GRIA3: variants seen among roughly 807,000 people sequenced by gnomAD.
GRIA3 encodes the protein glutamate ionotropic receptor AMPA type subunit 3.
A neutral mutation model predicts 63.0 loss-of-function variants in GRIA3; 3 were observed. That is an observed-to-expected ratio of 0.05 (90% CI 0.02 to 0.12). The LOEUF (loss-of-function observed/expected upper bound fraction) is 0.12, where lower values mean the gene tolerates loss of function less well. GRIA3 is among the 10% of genes least tolerant of loss of function. The pLI is 1.00. For missense variants in GRIA3, 347 were observed against 700.9 expected, an observed-to-expected ratio of 0.50 and a Z score of 5.70; for synonymous variants, 274 against 257.9, an observed-to-expected ratio of 1.06 and a Z score of -0.60.
intron 2 of GRIA3, among the ~76,000 whole-genome samples, chrX:123,206,954 A>G (rs1340042620): frequency 9.0e-6 from 1 of 111,664 alleles, no homozygotes; most frequent in African/African-American, 3.3e-5. Flanking sequence ...CTAATTTGCT[A>G]CTTTATTTAC....
intron 1 of GRIA3, chrX:123,184,900 C>G: frequency 2.1e-6 from 1 of 473,656 alleles, no homozygotes; most frequent in Non-Finnish European, 3.8e-6. Flanking sequence ...GCTAGGTTTT[C>G]CGAGCCGAGA....
chrX:123,381,276 T>C (rs2147369464), intron 5 of GRIA3, among the ~76,000 whole-genome samples: 1 of 111,642 alleles, frequency 9.0e-6, no homozygotes, highest in African/African-American at 3.3e-5. Flanking sequence ...CATTCTGTAC[T>C]AGGAGAAGGA....
At chrX:123,478,713 T>C (rs1199842650) in intron 13 of GRIA3, among the ~76,000 whole-genome samples, 2 of 112,173 alleles carry the variant, frequency 1.8e-5, no homozygotes, top group Admixed American at 1.9e-4. Flanking sequence ...GGGTCCAACT[T>C]ATCCAAAATA....
At chrX:123,457,968 TGAG>T (rs2045770705) in intron 12 of GRIA3, among the ~76,000 whole-genome samples, 3 of 110,269 alleles carry the variant, frequency 2.7e-5, no homozygotes, top group Admixed American at 9.6e-5. Flanking sequence ...CCAGAAAAGG[TGAG>T]TTGAATGGAA....
intron 3 of GRIA3, among the ~76,000 whole-genome samples, chrX:123,305,247 C>T (rs1349630427): frequency 2.7e-5 from 3 of 111,289 alleles, no homozygotes; most frequent in African/African-American, 9.8e-5. Flanking sequence ...CCCACCCAAA[C>T]ACAATGTAAA....
chrX:123,419,008 C>T (rs2045550257), intron 11 of GRIA3, among the ~76,000 whole-genome samples: 1 of 112,455 alleles, frequency 8.9e-6, no homozygotes, highest in Non-Finnish European at 1.9e-5. Context: ...TGTCTATCAA[C>T]TCGTGAATAA....
intron 13 of GRIA3, among the ~76,000 whole-genome samples, chrX:123,471,689 G>A (rs1157404280): frequency 1.8e-5 from 2 of 110,596 alleles, no homozygotes; most frequent in Non-Finnish European, 3.8e-5. Flanking sequence ...TCTCTGAAAG[G>A]TAGGACAGCC....
intron 3 of GRIA3, among the ~76,000 whole-genome samples, chrX:123,267,978 A>G (rs1330344042): frequency 9.0e-6 from 1 of 111,470 alleles, no homozygotes; most frequent in Non-Finnish European, 1.9e-5. Context: ...AAAGAGAGGG[A>G]CACTAAATCC....
Position 123,436,309 on chromosome X carries a change from G to GTT in GRIA3, c.2076+8174_2076+8175dup, listed in dbSNP as rs752538238. Among the ~76,000 whole-genome samples the GTT allele has an allele frequency of 3.3e-3, 366 of 111,322 alleles. 3 individuals carry two copies. Among genetic ancestry groups the GTT allele is most frequent in the African/African-American group, 0.012 (351 of 30,294 alleles). The stretch of plus-strand genomic sequence containing the variant: ...TGGAAGAGATGTGGGTTTGTTTTTT[G>GTT]TTTTTGTTTGTTTGTTTGTTTGTTT... On this transcript the variant is annotated intron_variant, in intron 12 of 15. Coordinates refer to ENST00000620443, the MANE Select transcript of GRIA3 (RefSeq NM_007325.5).
intron 4 of GRIA3, among the ~76,000 whole-genome samples, chrX:123,351,163 A>G (rs1291980376): frequency 8.9e-6 from 1 of 112,267 alleles, no homozygotes; most frequent in Non-Finnish European, 1.9e-5. Flanking sequence ...TAAGTAACTG[A>G]GGGTACAATT....
chrX:123,292,401 C>T (rs778140449), intron 3 of GRIA3, among the ~76,000 whole-genome samples: 5 of 111,121 alleles, frequency 4.5e-5, no homozygotes, highest in African/African-American at 6.5e-5. Context: ...ACCTCCACAC[C>T]TTTATTTCCA....
chrX:123,251,580 T>C (rs987693338), intron 2 of GRIA3, among the ~76,000 whole-genome samples: 14 of 110,714 alleles, frequency 1.3e-4, no homozygotes, highest in African/African-American at 4.3e-4. Flanking sequence ...TGACTACAGG[T>C]GCCCGCCACC....
intron 2 of GRIA3, among the ~76,000 whole-genome samples, chrX:123,209,420 C>T (rs1376778319): frequency 8.9e-6 from 1 of 111,772 alleles, no homozygotes; most frequent in Non-Finnish European, 1.9e-5. Context: ...GCCTCTGCAA[C>T]ACTCGTGAAT....
Position 123,184,514 on chromosome X carries a change from T to G in GRIA3, c.-22T>G. 5.3e-6 allele frequency: 6 copies of G among 1,138,461 alleles called. No individual in the cohort carries two copies. Among genetic ancestry groups the G allele is most frequent in the Non-Finnish European group, 7.2e-6 (6 of 828,800 alleles). The allele number at this position is 1,138,461 out of a possible 1,213,427, so 93.8% of individuals were successfully genotyped here. A position where few individuals can be genotyped will look rare whatever the true frequency, so the allele number is the denominator to read the frequency against. ...CTCCTGAGTTGCGCCCATGCTCTTG[T>G]CAGCTTCGTTTTAGGCGTAGCATGG... On this transcript the variant is annotated 5_prime_UTR_variant, in exon 1 of 16. Transcript: ENST00000620443.
At chrX:123,480,620 T>C (rs183089700) in intron 14 of GRIA3, among the ~76,000 whole-genome samples, 1 of 112,210 alleles carries the variant, frequency 8.9e-6, no homozygotes, top group Non-Finnish European at 1.9e-5. Context: ...ATTAATATAT[T>C]ATGTCAATCC....
intron 2 of GRIA3, among the ~76,000 whole-genome samples, chrX:123,251,462 C>T (rs2044388994): frequency 9.0e-6 from 1 of 111,321 alleles, no homozygotes; most frequent in African/African-American, 3.3e-5. Flanking sequence ...GACGGTGTCT[C>T]ACTCTGTCGG....
chrX:123,199,612 A>AGAT (rs1278530409), intron 2 of GRIA3, among the ~76,000 whole-genome samples: 2 of 111,688 alleles, frequency 1.8e-5, no homozygotes, highest in East Asian at 5.6e-4. Context: ...CACTTCTCTA[A>AGAT]GATGTCTTCC....
intron 2 of GRIA3, among the ~76,000 whole-genome samples, chrX:123,209,067 T>A (rs934329688): frequency 9.0e-6 from 1 of 111,330 alleles, no homozygotes; most frequent in Admixed American, 9.5e-5. Context: ...CAGGTTTCAG[T>A]GAGAGGTAAA....
intron 12 of GRIA3, among the ~76,000 whole-genome samples, chrX:123,453,338 C>G (rs868200404): frequency 3.8e-4 from 41 of 108,168 alleles, no homozygotes; most frequent in African/African-American, 1.3e-3. Context: ...GGGAATTGAA[C>G]AAAGAGAACA....
Sources: gnomAD v4.1 joint callset for allele counts (sites outside exome capture counted in the v4.1 genomes callset) on GRCh38, gnomAD v4.1.1 for gene constraint, MANE v1.5 for transcripts, NCBI Gene and HGNC (gene_info 2026-07-23, HGNC 2026-07-21) for gene names.